Variants in IL4R observed in about 807,000 individuals in gnomAD.
IL4R encodes the protein interleukin-4 receptor subunit alpha.
IL4R carries 17 observed loss-of-function variants against 41.5 expected under a neutral mutation model. That is an observed-to-expected ratio of 0.41 (90% CI 0.28 to 0.61). The LOEUF (loss-of-function observed/expected upper bound fraction) is 0.61. IL4R is among the 20% of genes least tolerant of loss of function. IL4R has a pLI of 0.31. For missense variants in IL4R, 974 were observed against 1,043.1 expected, an observed-to-expected ratio of 0.93 and a Z score of 0.91; for synonymous variants, 402 against 422.9, an observed-to-expected ratio of 0.95 and a Z score of 0.61.
intron 7 of IL4R, among the ~76,000 whole-genome samples, chr16:27,352,941 C>G (rs566299993): frequency 6.6e-6 from 1 of 152,348 alleles, no homozygotes; most frequent in African/African-American, 2.4e-5. Context: ...ACGTAACAAG[C>G]TAACGTGAAT....
intron 5 of IL4R, 30 bp from the exon 6 acceptor site, chr16:27,346,437 A>ATGGGGGAG: frequency 6.2e-7 from 1 of 1,613,426 alleles, no homozygotes; most frequent in Non-Finnish European, 8.5e-7. Flanking sequence ...CACTGCATAG[A>ATGGGGGAG]TCCTCACATA....
intron 2 of IL4R, among the ~76,000 whole-genome samples, chr16:27,333,850 C>T (rs748130353): frequency 6.6e-6 from 1 of 151,574 alleles, no homozygotes; most frequent in African/African-American, 2.4e-5. Context: ...GGCAGGTGAC[C>T]GCTGAGACCC....
At chr16:27,328,509 G>A (rs2085026233) in intron 1 of IL4R, among the ~76,000 whole-genome samples, 1 of 152,092 alleles carries the variant, frequency 6.6e-6, no homozygotes, top group African/African-American at 2.4e-5. Flanking sequence ...AAAGTGCTGG[G>A]ATTACAGGCG....
Position 27,364,054 on chromosome 16 carries a change from G to A in IL4R, c.*224G>A. 1.8e-6 allele frequency: 1 copy of A among 551,072 alleles called. No individual in the cohort carries two copies. Among genetic ancestry groups the A allele is most frequent in the South Asian group, 2.6e-5 (1 of 38,400 alleles). The allele number at this position is 551,072 out of a possible 1,614,324, so 34.1% of individuals were successfully genotyped here. ...GCTCGCCACATCCCATGAGAGTAGA[G>A]GGCACTGGGTCGCCGTGCCCCACGG... is the stretch of plus-strand genomic sequence containing the variant. On this transcript the variant is annotated 3_prime_UTR_variant, in exon 11 of 11. Coordinates refer to ENST00000395762, the MANE Select transcript of IL4R (RefSeq NM_000418.4).
chr16:27,355,690 G>A (rs150653449), intron 7 of IL4R, 118 bp from the exon 8 acceptor site: 44 of 654,592 alleles, frequency 6.7e-5, no homozygotes, highest in African/African-American at 1.1e-4. Context: ...GGTGGTCGGC[G>A]GTCAGATCGT....
chr16:27,349,176 C>T (rs2085774728), intron 6 of IL4R, among the ~76,000 whole-genome samples: 3 of 152,192 alleles, frequency 2.0e-5, no homozygotes, highest in African/African-American at 4.8e-5. Flanking sequence ...ATGGGATTGG[C>T]ACAATTGGCT....
Position 27,362,986 on chromosome 16 carries a change from C to G in IL4R, c.1634C>G (p.Pro545Arg). ...QLSEPTTVPQPEPETWEQILR... is the reference protein window; with the variant it reads ...QLSEPTTVPQREPETWEQILR... ...TCTGAGCCAACCACTGTGCCCCAAC[C>G]TGAGCCAGAAACCTGGGAGCAGATC... The change falls in exon 11 of 11, where the codon CCT (proline) becomes CGT (arginine). Residue 545 changes from proline to arginine, a missense_variant. By Grantham distance (103) the Pro-to-Arg change is moderately radical. Coordinates refer to ENST00000395762, the MANE Select transcript of IL4R (RefSeq NM_000418.4). The G allele has an allele frequency of 6.2e-7, 1 of 1,614,166 alleles. No individual in the cohort carries two copies. The highest frequency in any genetic ancestry group is 8.5e-7 in the Non-Finnish European group (1 of 1,180,048).
Position 27,363,646 on chromosome 16 carries a change from C to T in IL4R, c.2294C>T (p.Ser765Phe), listed in dbSNP as rs1357907693. 1 of 1,613,930 alleles carries T rather than the reference C, an allele frequency of 6.2e-7. No individual in the cohort carries two copies. The highest frequency in any genetic ancestry group is 1.7e-5 in the Admixed American group (1 of 60,020). The change falls in exon 11 of 11, where the codon TCT (serine) becomes TTT (phenylalanine). Residue 765 changes from serine (S) to phenylalanine (F), a missense_variant. Coordinates refer to ENST00000395762, the MANE Select transcript of IL4R (RefSeq NM_000418.4). ...ACCCCCCTGAGGGCCCCAGACCCCT[C>T]TCCAGGTGGGGTTCCACTGGAGGCC... Reference protein sequence around the residue: ...PTTPLRAPDPSPGGVPLEASL... With the variant: ...PTTPLRAPDPFPGGVPLEASL...
At chr16:27,323,744 C>T (rs573963906) in intron 1 of IL4R, among the ~76,000 whole-genome samples, 7 of 152,096 alleles carry the variant, frequency 4.6e-5, no homozygotes, top group African/African-American at 1.4e-4. Context: ...CAGCTGCGAC[C>T]TCGTGGGCTC....
At chr16:27,314,977 T>C (rs1255826111) in intron 1 of IL4R, among the ~76,000 whole-genome samples, 3 of 152,302 alleles carry the variant, frequency 2.0e-5, no homozygotes, top group East Asian at 1.9e-4. Flanking sequence ...CCCTGATTTT[T>C]TTTTTAAACA....
chr16:27,351,681 AT>A (rs1292202705), intron 6 of IL4R, among the ~76,000 whole-genome samples: 4 of 151,930 alleles, frequency 2.6e-5, no homozygotes. Flanking sequence ...CACCCAGCTA[AT>A]TTTTGTATTT....
chr16:27,354,851 G>T (rs1419228906), intron 7 of IL4R, among the ~76,000 whole-genome samples: 2 of 152,224 alleles, frequency 1.3e-5, no homozygotes, highest in African/African-American at 2.4e-5. Context: ...CCTGCCCTGG[G>T]CTGTGAGCTC....
intron 1 of IL4R, among the ~76,000 whole-genome samples, chr16:27,314,680 C>T (rs540264584): frequency 2.6e-5 from 4 of 152,246 alleles, no homozygotes; most frequent in South Asian, 4.1e-4. Flanking sequence ...GGCAGCAGGA[C>T]TAGAGCCCAG....
chr16:27,351,082 C>A (rs2085853961), intron 6 of IL4R, among the ~76,000 whole-genome samples: 1 of 152,144 alleles, frequency 6.6e-6, no homozygotes, highest in African/African-American at 2.4e-5. Context: ...TCTCGTGAGG[C>A]TATAATCAAG....
chr16:27,325,305 C>G (rs1047556351), intron 1 of IL4R, among the ~76,000 whole-genome samples: 24 of 152,162 alleles, frequency 1.6e-4, no homozygotes, highest in African/African-American at 5.8e-4. Context: ...GACGCAGTGG[C>G]TCACGCCTGT....
chr16:27,344,108 C>T (rs1004037290), intron 4 of IL4R, among the ~76,000 whole-genome samples: 5 of 151,912 alleles, frequency 3.3e-5, no homozygotes, highest in African/African-American at 7.3e-5. Context: ...AGTTCGAGAC[C>T]GGCCTGGCCA....
At chr16:27,349,118 G>A (rs1000376678) in intron 6 of IL4R, among the ~76,000 whole-genome samples, 1 of 152,172 alleles carries the variant, frequency 6.6e-6, no homozygotes, top group Non-Finnish European at 1.5e-5. Flanking sequence ...TTAGTGATTG[G>A]CCAGAGCTTG....
chr16:27,352,809 TG>T (rs2085924224), intron 7 of IL4R, 113 bp downstream of exon 7: 1 of 1,073,768 alleles, frequency 9.3e-7, no homozygotes. Flanking sequence ...ATGCCTCTAA[TG>T]GCAATCCTGC....
chr16:27,336,170 A>T (rs909014534), intron 2 of IL4R, among the ~76,000 whole-genome samples: 2 of 152,164 alleles, frequency 1.3e-5, no homozygotes, highest in African/African-American at 4.8e-5. Context: ...TTATAGCTTA[A>T]CTTAGCTCGG....
Sources: allele counts gnomAD v4.1 joint callset (sites outside exome capture counted in the v4.1 genomes callset), GRCh38; gene constraint gnomAD v4.1.1; transcripts MANE v1.5; gene names NCBI Gene and HGNC (gene_info 2026-07-23, HGNC 2026-07-21).